EIF2B3: variants seen among roughly 807,000 people sequenced by gnomAD.
The protein encoded by EIF2B3 is eukaryotic translation initiation factor 2B subunit gamma, also known as translation initiation factor eIF2B subunit gamma.
EIF2B3 carries 20 observed loss-of-function variants against 54.1 expected under a neutral mutation model. That is an observed-to-expected ratio of 0.37 (90% CI 0.26 to 0.54). The LOEUF (loss-of-function observed/expected upper bound fraction) is 0.54. Among genes scored for constraint, EIF2B3 ranks in the 20% least tolerant of loss-of-function variants. EIF2B3 has a pLI of 0.86. For missense variants in EIF2B3, 448 were observed against 547.8 expected, an observed-to-expected ratio of 0.82 and a Z score of 1.82; for synonymous variants, 153 against 188.1, an observed-to-expected ratio of 0.81 and a Z score of 1.52.
intron 5 of EIF2B3, among the ~76,000 whole-genome samples, chr1:44,915,555 G>C (rs1643605005): frequency 6.6e-6 from 1 of 151,850 alleles, no homozygotes; most frequent in Non-Finnish European, 1.5e-5. Context: ...ATAGAGATGA[G>C]GTCCTGCTAT....
chr1:44,972,794 G>C (rs1489771628), intron 3 of EIF2B3, among the ~76,000 whole-genome samples: 2 of 152,098 alleles, frequency 1.3e-5, no homozygotes, highest in East Asian at 1.9e-4. Flanking sequence ...AGCCTCCTGA[G>C]TACCTGGGAC....
intron 3 of EIF2B3, among the ~76,000 whole-genome samples, chr1:44,943,592 A>G (rs1030168073): frequency 8.6e-5 from 13 of 150,654 alleles, no homozygotes; most frequent in African/African-American, 3.2e-4. Context: ...GCTAATTTTT[A>G]TTTTTATTTT....
In EIF2B3 at chr1:44,979,474, CAAAAAAA is replaced by C. The variant is rs34452633; in HGVS notation, c.149-1021_149-1015del. 1.8e-4 allele frequency among the ~76,000 whole-genome samples: 10 copies of C among 56,022 alleles called. No individual in the cohort carries two copies. In the South Asian group the frequency reaches 5.7e-3, roughly 32 times the overall value. 36.8% of individuals were successfully genotyped at this position (56,022 alleles called of 152,430 possible). A position where few individuals can be genotyped will look rare whatever the true frequency, so the allele number is the denominator to read the frequency against. ...TAACGTGGCGAAACCCTGTCTCTGCCAAAAAAAAAAAAAAAAAAAAAAGGAGGAAAGA... is the reference window on the plus strand; with the variant it reads ...TAACGTGGCGAAACCCTGTCTCTGCCAAAAAAAAAAAAAAAGGAGGAAAGA... On this transcript the variant is annotated intron_variant, in intron 2 of 11. Transcript: ENST00000360403.
chr1:44,883,752 G>T (rs1291432246), intron 6 of EIF2B3, among the ~76,000 whole-genome samples: 1 of 152,164 alleles, frequency 6.6e-6, no homozygotes, highest in East Asian at 1.9e-4. Flanking sequence ...CTCCCATCTT[G>T]ATAAATCGTC....
At chr1:44,855,175 C>G (rs912929501) in intron 11 of EIF2B3, among the ~76,000 whole-genome samples, 8 of 151,830 alleles carry the variant, frequency 5.3e-5, no homozygotes, top group Non-Finnish European at 1.2e-4. Flanking sequence ...GACCACTGTG[C>G]TGGATGCACT....
At chr1:44,973,615 A>G (rs1644423908) in intron 3 of EIF2B3, among the ~76,000 whole-genome samples, 1 of 152,064 alleles carries the variant, frequency 6.6e-6, no homozygotes, top group Admixed American at 6.6e-5. Flanking sequence ...GAGGCACAAG[A>G]CATGCTTGAA....
chr1:44,920,653 AG>A (rs1164281712), intron 5 of EIF2B3, among the ~76,000 whole-genome samples: 2 of 152,122 alleles, frequency 1.3e-5, no homozygotes, highest in Admixed American at 1.3e-4. Flanking sequence ...TGTCTTTCTG[AG>A]CCTGGCTTAT....
intron 6 of EIF2B3, among the ~76,000 whole-genome samples, chr1:44,894,963 T>G (rs1569644918): frequency 6.6e-6 from 1 of 152,204 alleles, no homozygotes; most frequent in Non-Finnish European, 1.5e-5. Flanking sequence ...TTCAAAGACC[T>G]TCACTATTCC....
At chr1:44,868,449 G>C (rs1654856953) in intron 10 of EIF2B3, among the ~76,000 whole-genome samples, 1 of 149,228 alleles carries the variant, frequency 6.7e-6, no homozygotes, top group African/African-American at 2.5e-5. Flanking sequence ...AGGGAGCCAT[G>C]GTTTCCTCGC....
intron 1 of EIF2B3, among the ~76,000 whole-genome samples, chr1:44,981,757 G>A (rs867804321): frequency 3.9e-5 from 6 of 152,006 alleles, no homozygotes; most frequent in Middle Eastern, 3.4e-3. Flanking sequence ...GCAACATGGC[G>A]AGACCCCATC....
At chr1:44,943,099 C>T (rs1416030915) in intron 3 of EIF2B3, among the ~76,000 whole-genome samples, 2 of 151,996 alleles carry the variant, frequency 1.3e-5, no homozygotes, top group South Asian at 4.1e-4. Context: ...CCTCGTGATC[C>T]ACCTGCCTTG....
chr1:44,914,218 T>C lies in EIF2B3; in HGVS notation c.566+12410A>G, dbSNP rs1643574945. On this transcript the variant is annotated intron_variant, in intron 5 of 11. Coordinates refer to ENST00000360403, the MANE Select transcript of EIF2B3 (RefSeq NM_020365.5). Reference sequence around the variant, plus strand: ...TCTTGTTGCCCAAGCTGGAATGCAATGGCGTGATCTTGGCTCACTGCAACC... The same window carrying C: ...TCTTGTTGCCCAAGCTGGAATGCAACGGCGTGATCTTGGCTCACTGCAACC... Among the ~76,000 whole-genome samples, 5 of 150,580 alleles carry C rather than the reference T, an allele frequency of 3.3e-5. No homozygotes were observed. The South Asian group carries it at 1.0e-3, about 32-fold the overall frequency.
intron 1 of EIF2B3, among the ~76,000 whole-genome samples, chr1:44,985,765 C>T (rs1425944327): frequency 2.0e-5 from 3 of 152,226 alleles, no homozygotes; most frequent in African/African-American, 7.2e-5. Flanking sequence ...ACTGCCACGA[C>T]TATGGCTGAC....
At chr1:44,953,849 A>G (rs1644195021) in intron 3 of EIF2B3, among the ~76,000 whole-genome samples, 2 of 152,344 alleles carry the variant, frequency 1.3e-5, no homozygotes, top group South Asian at 4.1e-4. Flanking sequence ...AGTCACATCA[A>G]TAAATGGAAA....
intron 6 of EIF2B3, among the ~76,000 whole-genome samples, chr1:44,884,944 T>A (rs1370994611): frequency 6.6e-6 from 1 of 152,118 alleles, no homozygotes; most frequent in Non-Finnish European, 1.5e-5. Context: ...ATTAGGTCAA[T>A]CCCCATGATG....
At chr1:44,883,559 T>C (rs1007073043) in intron 6 of EIF2B3, among the ~76,000 whole-genome samples, 3 of 152,134 alleles carry the variant, frequency 2.0e-5, no homozygotes, top group African/African-American at 7.2e-5. Context: ...GAGGACTGGT[T>C]TCCACACCCC....
At chr1:44,917,585 A>T (rs1643649081) in intron 5 of EIF2B3, among the ~76,000 whole-genome samples, 2 of 151,716 alleles carry the variant, frequency 1.3e-5, no homozygotes, top group Non-Finnish European at 2.9e-5. Flanking sequence ...TTAAAAAATT[A>T]AAATTGAAGT....
At chr1:44,902,105 T>C (rs2148917383) in intron 5 of EIF2B3, among the ~76,000 whole-genome samples, 1 of 152,304 alleles carries the variant, frequency 6.6e-6, no homozygotes, top group Admixed American at 6.5e-5. Context: ...AAAAATCAAA[T>C]GACCATAAAC....
rs575198978 is a variant in EIF2B3 at position 44,878,038 on chromosome 1, C to T, written c.975+1780G>A. ...GTGGACACAGCGGTGCACCTGTGAT[C>T]TGGACAAGTCTTCCCACTCAGGTTA... On this transcript the variant is annotated intron_variant, in intron 8 of 11. Coordinates refer to ENST00000360403, the MANE Select transcript of EIF2B3 (RefSeq NM_020365.5). 5.9e-5 allele frequency among the ~76,000 whole-genome samples: 9 copies of T among 152,320 alleles called. No individual in the cohort carries two copies. The South Asian group carries it at 1.9e-3, about 32-fold the overall frequency.
Sources: gnomAD v4.1 joint callset for allele counts (sites outside exome capture counted in the v4.1 genomes callset) on GRCh38, gnomAD v4.1.1 for gene constraint, MANE v1.5 for transcripts, NCBI Gene and HGNC (gene_info 2026-07-23, HGNC 2026-07-21) for gene names.